KIF21A: variants seen among roughly 807,000 people sequenced by gnomAD.
KIF21A encodes kinesin-like protein KIF21A.
KIF21A carries 114 observed loss-of-function variants against 202.9 expected under a neutral mutation model. The ratio of observed to expected loss-of-function variants is 0.56; its 90% CI spans 0.48 to 0.66. The LOEUF (loss-of-function observed/expected upper bound fraction) is 0.66, where lower values mean the gene tolerates loss of function less well. Among genes scored for constraint, KIF21A ranks in the 30% least tolerant of loss-of-function variants. The pLI is 0.00. For missense variants in KIF21A, 1,677 were observed against 1,994.9 expected (o/e 0.84, Z 3.04); for synonymous variants, 667 against 670.8 (o/e 0.99, Z 0.09).
At chr12:39,423,983 C>CAAAAAA (rs35526386) in intron 1 of KIF21A, among the ~76,000 whole-genome samples, 2 of 25,664 alleles carry the variant, frequency 7.8e-5, no homozygotes, top group African/African-American at 1.9e-4. Flanking sequence ...GACTCTGTCT[C>CAAAAAA]AAAAAAAAAA....
intron 7 of KIF21A, among the ~76,000 whole-genome samples, chr12:39,361,159 C>A (rs1333223191): frequency 6.6e-6 from 1 of 152,142 alleles, no homozygotes; most frequent in Non-Finnish European, 1.5e-5. Context: ...ATAAGGTAAG[C>A]AAACTTTCAA....
In KIF21A at chr12:39,367,879, T is replaced by C. The variant is rs746147893; in HGVS notation, c.600+4A>G. The C allele has an allele frequency of 7.5e-6, 12 of 1,604,994 alleles. No individual in the cohort carries two copies. The highest frequency in any genetic ancestry group is 1.0e-5 in the Non-Finnish European group (12 of 1,172,424). Reference sequence around the variant, plus strand: ...CTCTGTTTTAACTATAATATAAATATTACCTCTGATTCTGTATTCACAGTA... The same window carrying C: ...CTCTGTTTTAACTATAATATAAATACTACCTCTGATTCTGTATTCACAGTA... On this transcript the variant is annotated splice_donor_region_variant and intron_variant, in intron 4 of 37. Coordinates refer to ENST00000361418, the MANE Select transcript of KIF21A (RefSeq NM_001173464.2).
chr12:39,327,112 T>TA (rs1946024951), intron 24 of KIF21A, among the ~76,000 whole-genome samples: 1 of 152,094 alleles, frequency 6.6e-6, no homozygotes, highest in African/African-American at 2.4e-5. Context: ...TATTTTATTA[T>TA]AAAAATCATT....
At chr12:39,423,014 C>T (rs914380546) in intron 1 of KIF21A, among the ~76,000 whole-genome samples, 1 of 152,114 alleles carries the variant, frequency 6.6e-6, no homozygotes. Flanking sequence ...ATAATAGTAC[C>T]AATATTATAG....
chr12:39,376,026 G>T (rs773106928), intron 1 of KIF21A, among the ~76,000 whole-genome samples: 17 of 152,036 alleles, frequency 1.1e-4, no homozygotes, highest in South Asian at 6.3e-4. Flanking sequence ...ATCTCAGCTT[G>T]GGCCTTCCCA....
chr12:39,306,901 G>T (rs867011448), intron 34 of KIF21A, among the ~76,000 whole-genome samples: 1 of 152,062 alleles, frequency 6.6e-6, no homozygotes, highest in African/African-American at 2.4e-5. Flanking sequence ...TATTTGGGTT[G>T]AATAAATATT....
At chr12:39,306,393 A>G (rs7307730) in intron 34 of KIF21A, among the ~76,000 whole-genome samples, 15,170 of 151,852 alleles carry the variant, frequency 0.1, 760 homozygotes, top group East Asian at 0.14. Flanking sequence ...CCAAGTCCTC[A>G]CCTCTTTTCT....
intron 1 of KIF21A, among the ~76,000 whole-genome samples, chr12:39,383,038 A>C (rs1341666653): frequency 6.6e-6 from 1 of 152,226 alleles, no homozygotes; most frequent in East Asian, 1.9e-4. Context: ...AATCAGAGGG[A>C]AGTGAAAAGA....
Position 39,318,209 on chromosome 12 carries a change from A to G in KIF21A, c.3780-8T>C, listed in dbSNP as rs1944787754. 6.2e-7 allele frequency: 1 copy of G among 1,611,792 alleles called. No individual in the cohort carries two copies. The highest frequency in any genetic ancestry group is 1.3e-5 in the African/African-American group (1 of 74,972). On this transcript the variant is annotated splice_polypyrimidine_tract_variant and splice_region_variant and intron_variant, in intron 28 of 37. Coordinates refer to ENST00000361418, the MANE Select transcript of KIF21A (RefSeq NM_001173464.2). ...GAAGTTCCAGAATCTGAGCTACAAG[A>G]AAAAAAGAACATTAAGTAGGTGGCT...
At chr12:39,396,589 C>G (rs1040200675) in intron 1 of KIF21A, among the ~76,000 whole-genome samples, 1 of 151,998 alleles carries the variant, frequency 6.6e-6, no homozygotes, top group African/African-American at 2.4e-5. Context: ...TATATACTTG[C>G]GCACTAAATT....
chr12:39,390,628 A>G (rs1951278395), intron 1 of KIF21A, among the ~76,000 whole-genome samples: 1 of 152,166 alleles, frequency 6.6e-6, no homozygotes, highest in African/African-American at 2.4e-5. Flanking sequence ...TCATATATAC[A>G]CTGTAATGTA....
At chr12:39,319,364 T>C in intron 28 of KIF21A, among the ~76,000 whole-genome samples, 1 of 152,168 alleles carries the variant, frequency 6.6e-6, no homozygotes, top group East Asian at 1.9e-4. Context: ...GATTATACTA[T>C]GTACTGCTAA....
At chr12:39,436,448 A>ATATATATATATATATATATATATAT (rs1387332677) in intron 1 of KIF21A, among the ~76,000 whole-genome samples, 6 of 95,762 alleles carry the variant, frequency 6.3e-5, no homozygotes, top group African/African-American at 2.5e-4. Context: ...ATATATATAT[A>ATATATATATATATATATATATATAT]TTTTTTTTTT....
intron 24 of KIF21A, among the ~76,000 whole-genome samples, chr12:39,327,915 T>C (rs1265630418): frequency 5.3e-5 from 8 of 152,222 alleles, no homozygotes; most frequent in African/African-American, 1.2e-4. Flanking sequence ...ATCTATATCA[T>C]TGTAAAGTTT....
intron 34 of KIF21A, among the ~76,000 whole-genome samples, chr12:39,307,213 T>C (rs1415248668): frequency 6.6e-6 from 1 of 152,180 alleles, no homozygotes; most frequent in Non-Finnish European, 1.5e-5. Context: ...TAAACGATGT[T>C]GCAAGAAATA....
intron 1 of KIF21A, among the ~76,000 whole-genome samples, chr12:39,418,050 A>C (rs996461293): frequency 2.0e-5 from 3 of 152,118 alleles, no homozygotes; most frequent in Admixed American, 6.6e-5. Flanking sequence ...TCTACAAAAA[A>C]TACAAAAATT....
chr12:39,410,078 G>T (rs1361080389), intron 1 of KIF21A, among the ~76,000 whole-genome samples: 13 of 152,028 alleles, frequency 8.6e-5, no homozygotes, highest in Admixed American at 8.5e-4. Flanking sequence ...TGATCTGCCC[G>T]CCTTATCCTC....
intron 6 of KIF21A, among the ~76,000 whole-genome samples, chr12:39,363,590 A>T (rs985061982): frequency 6.6e-6 from 1 of 152,210 alleles, no homozygotes; most frequent in African/African-American, 2.4e-5. Context: ...AGTTAGTTTA[A>T]CAGTTTGATG....
rs544253176 is a variant in KIF21A, at chr12:39,294,252, G to A, written c.*172C>T. 3.1e-5 allele frequency: 19 copies of A among 610,984 alleles called. No individual in the cohort carries two copies. The highest frequency in any genetic ancestry group is 2.6e-4 in the African/African-American group (14 of 54,848). The allele number at this position is 610,984 out of a possible 1,614,324, so 37.8% of individuals were successfully genotyped here. A position where few individuals can be genotyped will look rare whatever the true frequency, so the allele number is the denominator to read the frequency against. On this transcript the variant is annotated 3_prime_UTR_variant, in exon 38 of 38. Coordinates refer to ENST00000361418, the MANE Select transcript of KIF21A (RefSeq NM_001173464.2). ...GGTTGATCTTAAAACTAAGCACACA[G>A]GATAGTACACAATTTTATTAGAATA...
Sources: gnomAD v4.1 joint callset for allele counts (sites outside exome capture counted in the v4.1 genomes callset) on GRCh38, gnomAD v4.1.1 for gene constraint, MANE v1.5 for transcripts, NCBI Gene and HGNC (gene_info 2026-07-23, HGNC 2026-07-21) for gene names.